GARIN5B: variants seen among roughly 807,000 people sequenced by gnomAD.
GARIN5B encodes Golgi-associated RAB2 interactor protein 5B.
chr19:55,363,175 G>A, the GARIN5B span: 1 of 1,199,452 alleles, frequency 8.3e-7, no homozygotes, highest in South Asian at 2.0e-5. This position sits in a 1 kb window ranked among gnomAD's most constrained non-coding sequence, Gnocchi z 4.0. Flanking sequence ...GGTGCCTGGA[G>A]CTCAGCGTTA....
chr19:55,359,083 C>T, the GARIN5B span: 1 of 1,551,316 alleles, frequency 6.4e-7, no homozygotes, highest in Non-Finnish European at 8.7e-7. Context: ...CGTCTGTCTC[C>T]TGGGTGCGCA....
chr19:55,361,199 G>A, the GARIN5B span: 3 of 1,551,130 alleles, frequency 1.9e-6, no homozygotes, highest in Non-Finnish European at 2.6e-6. Flanking sequence ...TCTCTGAGCA[G>A]CCACCGTCTT....
At chr19:55,362,336 T>A in the GARIN5B span, 1 of 1,550,304 alleles carries the variant, frequency 6.5e-7, no homozygotes, top group Non-Finnish European at 8.7e-7. Context: ...GGGAGCCGGC[T>A]CCTGAAGCAG....
chr19:55,361,781 GACCCCAC>G, the GARIN5B span, among the ~76,000 whole-genome samples: 5 of 43,808 alleles, frequency 1.1e-4, no homozygotes, highest in Admixed American at 2.4e-4. Context: ...CAGGAGTCCA[GACCCCAC>G]AGCCCCTCCT....
chr19:55,362,711 C>T, the GARIN5B span: 3 of 1,537,622 alleles, frequency 2.0e-6, no homozygotes, highest in Non-Finnish European at 1.8e-6. Context: ...TTCACGAACA[C>T]TGGGCCCCCT....
chr19:55,360,002 G>A, the GARIN5B span: 1 of 1,523,044 alleles, frequency 6.6e-7, no homozygotes, highest in Non-Finnish European at 8.8e-7. Flanking sequence ...AGAGGGGAGA[G>A]GATACATGGT....
the GARIN5B span, chr19:55,362,828 A>C: frequency 2.8e-5 from 41 of 1,474,866 alleles, no homozygotes; most frequent in Non-Finnish European, 3.3e-5. Flanking sequence ...AGTGACTGCT[A>C]AATCCCGTTC....
the GARIN5B span, among the ~76,000 whole-genome samples, chr19:55,355,758 G>A: frequency 1.3e-5 from 2 of 152,148 alleles, no homozygotes; most frequent in Admixed American, 6.5e-5. Flanking sequence ...GGCAGAGGCG[G>A]GAGGATTGCT....
the GARIN5B span, chr19:55,363,257 G>A: frequency 9.9e-6 from 5 of 506,286 alleles, no homozygotes; most frequent in Non-Finnish European, 1.6e-5. This position sits in a 1 kb window ranked among gnomAD's most constrained non-coding sequence, Gnocchi z 4.0. Context: ...GACAGCAGGG[G>A]TCTGGGGGAG....
chr19:55,359,220 C>T, the GARIN5B span: 1 of 1,551,148 alleles, frequency 6.4e-7, no homozygotes, highest in Admixed American at 2.0e-5. Context: ...GGGCTCAGCG[C>T]CATCTGGTAT....
the GARIN5B span, among the ~76,000 whole-genome samples, chr19:55,356,097 C>A: frequency 6.6e-6 from 1 of 151,930 alleles, no homozygotes; most frequent in Non-Finnish European, 1.5e-5. Flanking sequence ...TGCACTCTAG[C>A]CTGGCAATAG....
chr19:55,359,486 T>C, the GARIN5B span: 5 of 1,547,990 alleles, frequency 3.2e-6, no homozygotes, highest in African/African-American at 1.4e-5. Flanking sequence ...GGCTGGGGCC[T>C]TCTGGGATGG....
At chr19:55,358,645 G>A in the GARIN5B span, 146 of 1,551,228 alleles carry the variant, frequency 9.4e-5, no homozygotes, top group Non-Finnish European at 1.2e-4. Context: ...GCTGGCCGGG[G>A]CGGGAGGGCA....
chr19:55,361,613 G>GCA, the GARIN5B span, among the ~76,000 whole-genome samples: 1 of 128,114 alleles, frequency 7.8e-6, no homozygotes. Context: ...CAGGCCCCCA[G>GCA]TCCCTCCTCC....
chr19:55,363,179 A>G, the GARIN5B span: 3 of 1,114,068 alleles, frequency 2.7e-6, no homozygotes, highest in Non-Finnish European at 3.6e-6. This position sits in a 1 kb window ranked among gnomAD's most constrained non-coding sequence, Gnocchi z 4.0. Flanking sequence ...CCTGGAGCTC[A>G]GCGTTACAGA....
chr19:55,354,968 GC>G, the GARIN5B span: 310 of 99,342 alleles, frequency 3.1e-3, 1 homozygote, highest in African/African-American at 6.0e-3. Context: ...GCTCGCCCCC[GC>G]CCCCCCCCGC....
At chr19:55,363,042 A>G in the GARIN5B span, 10 of 1,495,744 alleles carry the variant, frequency 6.7e-6, no homozygotes, top group Non-Finnish European at 8.9e-6. The surrounding 1 kb of genome is among the most constrained non-coding windows in gnomAD (Gnocchi z 4.0). Flanking sequence ...GGCTCAAGGC[A>G]CCTCCTGTTT....
the GARIN5B span, chr19:55,358,228 G>A: frequency 6.4e-7 from 1 of 1,550,592 alleles, no homozygotes; most frequent in Non-Finnish European, 8.7e-7. Flanking sequence ...CAAGTTCTAA[G>A]AGCATGGGCA....
the GARIN5B span, chr19:55,355,266 G>C: frequency 3.9e-6 from 6 of 1,538,150 alleles, no homozygotes; most frequent in Non-Finnish European, 4.4e-6. Context: ...GTACCTGGCA[G>C]CGCTGGGCTC....
Sources: gnomAD v4.1 joint callset for allele counts (sites outside exome capture counted in the v4.1 genomes callset) on GRCh38, gnomAD v4.1.1 for gene constraint, Gnocchi (gnomAD v3.1) non-coding constraint, MANE v1.5 for transcripts, NCBI Gene and HGNC (gene_info 2026-07-23, HGNC 2026-07-21) for gene names.